NCAM2: variants seen among roughly 807,000 people sequenced by gnomAD.
NCAM2 encodes N-CAM-2.
In NCAM2, 30 loss-of-function variants were observed where a neutral mutation model predicts 98.1. The ratio of observed to expected loss-of-function variants is 0.31; its 90% CI spans 0.23 to 0.41. NCAM2 has a LOEUF of 0.41. Ranked by LOEUF, NCAM2 falls within the 10% of genes least tolerant of loss-of-function variation. NCAM2 has a pLI of 1.00. For synonymous variants in NCAM2, 368 were observed against 342.4 expected (o/e 1.07, Z -0.83); for missense variants, 867 against 1,005.8 (o/e 0.86, Z 1.87).
chr21:21,346,849 CA>C (rs1224130294), intron 8 of NCAM2, among the ~76,000 whole-genome samples: 1 of 151,738 alleles, frequency 6.6e-6, no homozygotes. Context: ...GCACAAAATA[CA>C]AAAACCTATG....
chr21:21,411,280 G>T, intron 10 of NCAM2, among the ~76,000 whole-genome samples: 1 of 145,930 alleles, frequency 6.9e-6, no homozygotes, highest in Admixed American at 6.9e-5. Context: ...GTTATTGAGG[G>T]CTAAAAATTT....
chr21:21,036,060 G>A (rs1447205808), intron 1 of NCAM2, among the ~76,000 whole-genome samples: 2 of 152,066 alleles, frequency 1.3e-5, no homozygotes, highest in Non-Finnish European at 2.9e-5. Flanking sequence ...TCTTTTTGGA[G>A]CATTAAGGGC....
At chr21:21,115,989 GTGTC>G (rs1555886416) in intron 1 of NCAM2, among the ~76,000 whole-genome samples, 183 of 130,746 alleles carry the variant, frequency 1.4e-3, no homozygotes, top group African/African-American at 5.0e-3. Flanking sequence ...GTGTGTGTGT[GTGTC>G]TGTCTGTCTT....
chr21:21,452,285 C>T (rs1239639402), intron 12 of NCAM2, among the ~76,000 whole-genome samples: 3 of 98,630 alleles, frequency 3.0e-5, no homozygotes, highest in Non-Finnish European at 7.9e-5. Context: ...ACACAAATGA[C>T]TTCCTGCTTG....
chr21:21,426,410 C>T (rs1013771333), intron 11 of NCAM2, among the ~76,000 whole-genome samples: 6 of 151,856 alleles, frequency 4.0e-5, no homozygotes, highest in African/African-American at 1.5e-4. Context: ...AGACTTTTAC[C>T]AGATAGAAAT....
intron 9 of NCAM2, chr21:21,385,538 T>C: frequency 1.5e-6 from 1 of 687,258 alleles, no homozygotes; most frequent in Non-Finnish European, 2.3e-6. Context: ...TTTACTGTAA[T>C]AGCACTAAAC....
At chr21:21,191,190 TG>T (rs1374173335) in intron 1 of NCAM2, among the ~76,000 whole-genome samples, 1 of 152,152 alleles carries the variant, frequency 6.6e-6, no homozygotes, top group Non-Finnish European at 1.5e-5. Context: ...ACAGAACAGG[TG>T]GACTGCATGA....
At chr21:21,346,446 C>A (rs568918976) in intron 8 of NCAM2, among the ~76,000 whole-genome samples, 1 of 152,168 alleles carries the variant, frequency 6.6e-6, no homozygotes, top group East Asian at 1.9e-4. Flanking sequence ...GAGACTTCAA[C>A]ACCCAACTTT....
intron 1 of NCAM2, among the ~76,000 whole-genome samples, chr21:21,279,421 C>T (rs1273954467): frequency 6.6e-6 from 1 of 152,010 alleles, no homozygotes; most frequent in East Asian, 1.9e-4. Flanking sequence ...TGCAGTCGTG[C>T]GATCTCGGCT....
chr21:21,215,876 C>T (rs544870667), intron 1 of NCAM2, among the ~76,000 whole-genome samples: 1 of 152,148 alleles, frequency 6.6e-6, no homozygotes, highest in South Asian at 2.1e-4. Context: ...GCTCCTTTTC[C>T]TGCCTTTTTC....
At chr21:21,002,435 A>T (rs950003910) in intron 1 of NCAM2, among the ~76,000 whole-genome samples, 1 of 152,166 alleles carries the variant, frequency 6.6e-6, no homozygotes, top group Non-Finnish European at 1.5e-5. Context: ...TTTCAAAAAT[A>T]GGACTAGTTT....
intron 5 of NCAM2, among the ~76,000 whole-genome samples, chr21:21,306,430 G>A (rs2073881761): frequency 6.6e-6 from 1 of 152,124 alleles, no homozygotes; most frequent in Admixed American, 6.6e-5. Context: ...ATTAGGAATT[G>A]ATTCTGTTTA....
intron 12 of NCAM2, among the ~76,000 whole-genome samples, chr21:21,452,534 A>G (rs1438106236): frequency 1.6e-5 from 2 of 128,652 alleles, no homozygotes; most frequent in East Asian, 2.1e-4. Flanking sequence ...ATTATATATT[A>G]TAAATAAATA....
At chr21:21,419,077 A>T (rs554311076) in intron 11 of NCAM2, among the ~76,000 whole-genome samples, 2 of 152,268 alleles carry the variant, frequency 1.3e-5, no homozygotes, top group Admixed American at 6.5e-5. Flanking sequence ...ACTTCCAAAA[A>T]GTGGGTGTCA....
intron 1 of NCAM2, among the ~76,000 whole-genome samples, chr21:21,234,205 A>G (rs1178851887): frequency 2.0e-5 from 3 of 151,804 alleles, no homozygotes; most frequent in African/African-American, 2.4e-5. Context: ...TCTACAATGC[A>G]CTAGAGCAGC....
chr21:21,253,320 C>T (rs903668848), intron 1 of NCAM2, among the ~76,000 whole-genome samples: 3 of 152,080 alleles, frequency 2.0e-5, no homozygotes, highest in Admixed American at 6.6e-5. Context: ...ATGGTAGTTC[C>T]TCAGTAAGCA....
chr21:21,157,926 A>T (rs2067664511), intron 1 of NCAM2, among the ~76,000 whole-genome samples: 1 of 152,122 alleles, frequency 6.6e-6, no homozygotes, highest in African/African-American at 2.4e-5. Context: ...TCCTCCTAAT[A>T]CAAAAGATGT....
chr21:21,026,960 G>A (rs1027447283), intron 1 of NCAM2, among the ~76,000 whole-genome samples: 3 of 149,772 alleles, frequency 2.0e-5, no homozygotes, highest in South Asian at 4.2e-4. Flanking sequence ...AGGCTCAAGT[G>A]ATTCTTCTGC....
At chr21:21,079,830 G>A (rs2065755115) in intron 1 of NCAM2, among the ~76,000 whole-genome samples, 1 of 152,148 alleles carries the variant, frequency 6.6e-6, no homozygotes, top group Non-Finnish European at 1.5e-5. Flanking sequence ...GCAACACTGT[G>A]CCTGTCACAT....
Sources: allele counts gnomAD v4.1 joint callset (sites outside exome capture counted in the v4.1 genomes callset), GRCh38; gene constraint gnomAD v4.1.1; transcripts MANE v1.5; gene names NCBI Gene and HGNC (gene_info 2026-07-23, HGNC 2026-07-21).